Variants in OR8B2 observed in about 807,000 individuals in gnomAD.
OR8B2 encodes olfactory receptor 8B2.
For missense variants in OR8B2, 304 were observed against 379.6 expected, an observed-to-expected ratio of 0.80 and a Z score of 1.65; for synonymous variants, 98 against 138.2, an observed-to-expected ratio of 0.71 and a Z score of 2.04.
chr11:124,386,044 G>A (rs1860694418), upstream of OR8B2, among the ~76,000 whole-genome samples: 1 of 152,140 alleles, frequency 6.6e-6, no homozygotes, highest in Non-Finnish European at 1.5e-5. Flanking sequence ...GAGACTGTGT[G>A]TAAATCAGGT....
At chr11:124,385,030 AAAAAG>A (rs1860677031), upstream of OR8B2, among the ~76,000 whole-genome samples, 1 of 152,216 alleles carries the variant, frequency 6.6e-6, no homozygotes, top group Admixed American at 6.6e-5. Context: ...CTTTATAGGC[AAAAAG>A]AAAAGAAAAA....
At chr11:124,386,885 G>T (rs888141710), upstream of OR8B2, among the ~76,000 whole-genome samples, 3 of 130,906 alleles carry the variant, frequency 2.3e-5, no homozygotes, top group Admixed American at 2.1e-4. Flanking sequence ...CAGTGTGAAA[G>T]TGTTCCTATT....
chr11:124,396,371 T>A, the OR8B2 span: 7 of 1,530,132 alleles, frequency 4.6e-6, no homozygotes, highest in Non-Finnish European at 5.3e-6. Context: ...AATAAAAATT[T>A]AAAGTTCTTC....
chr11:124,395,950 T>C, the OR8B2 span: 3 of 154,202 alleles, frequency 1.9e-5, no homozygotes, highest in Admixed American at 6.4e-5. Flanking sequence ...GTGCTCATTC[T>C]GCTTTAAGCT....
intron 1 of OR8B2, among the ~76,000 whole-genome samples, chr11:124,383,639 A>T (rs61911137): frequency 1.3e-5 from 2 of 152,044 alleles, no homozygotes; most frequent in Admixed American, 6.6e-5. Context: ...CTTGGGTTAT[A>T]TGGATGTGTC....
chr11:124,393,755 G>T, the OR8B2 span, among the ~76,000 whole-genome samples: 14 of 152,028 alleles, frequency 9.2e-5, no homozygotes, highest in South Asian at 2.9e-3. Context: ...CCAATACTGG[G>T]TATATACCCA....
chr11:124,385,292 A>G (rs1860680388), upstream of OR8B2, among the ~76,000 whole-genome samples: 1 of 152,184 alleles, frequency 6.6e-6, no homozygotes, highest in African/African-American at 2.4e-5. Context: ...GAAGGCATCT[A>G]TATTTTTTAC....
Position 124,382,763 on chromosome 11 carries a change from A to G in OR8B2, c.581T>C (p.Val194Ala). Residue 194 changes from valine to alanine, a missense_variant, in exon 2 of 2, where the codon GTC becomes GCC. Coordinates refer to ENST00000641451, the MANE Select transcript of OR8B2 (RefSeq NM_001005468.2). ...AACAATGAGAACAACCACCTCGTTG[A>G]CATAGGTGCTGGTGCAGGAAAGCTG... ...LLQLSCTSTY[V>A]NEVVVLIVVG... 6.2e-7 allele frequency: 1 copy of G among 1,613,786 alleles called. No individual in the cohort carries two copies. The highest frequency in any genetic ancestry group is 8.5e-7 in the Non-Finnish European group (1 of 1,179,772).
chr11:124,391,060 G>A, the OR8B2 span, among the ~76,000 whole-genome samples: 30 of 152,288 alleles, frequency 2.0e-4, no homozygotes, highest in Non-Finnish European at 1.5e-4. Flanking sequence ...GTGAGGCTCT[G>A]TTTCTGAATC....
chr11:124,387,052 T>A (rs1197367208), upstream of OR8B2, among the ~76,000 whole-genome samples: 1 of 152,270 alleles, frequency 6.6e-6, no homozygotes, highest in South Asian at 2.1e-4. Context: ...TGCATAAATG[T>A]CTTCTTTTGA....
At chr11:124,384,130 A>G (rs898963108) in intron 1 of OR8B2, among the ~76,000 whole-genome samples, 6 of 152,160 alleles carry the variant, frequency 3.9e-5, no homozygotes, top group Admixed American at 3.9e-4. Flanking sequence ...ACATGTCAAT[A>G]TATTTTTAAT....
chr11:124,396,348 C>A, the OR8B2 span: 1 of 1,378,994 alleles, frequency 7.3e-7, no homozygotes. Context: ...AAAATCTCTT[C>A]ATGGAACACA....
the OR8B2 span, chr11:124,395,432 G>A: frequency 1.3e-5 from 2 of 152,268 alleles, no homozygotes; most frequent in East Asian, 1.9e-4. Flanking sequence ...TTCACGTCTT[G>A]TTGGTGAGAT....
At chr11:124,391,693 A>G in the OR8B2 span, among the ~76,000 whole-genome samples, 1 of 152,050 alleles carries the variant, frequency 6.6e-6, no homozygotes, top group Non-Finnish European at 1.5e-5. Flanking sequence ...ACAAGGAGGA[A>G]CTGGTACCAT....
At chr11:124,393,654 G>A in the OR8B2 span, among the ~76,000 whole-genome samples, 5 of 152,100 alleles carry the variant, frequency 3.3e-5, no homozygotes, top group African/African-American at 1.2e-4. Flanking sequence ...TACACTGTTG[G>A]TGGGACTGTA....
At chr11:124,386,512 G>T (rs1325270125), upstream of OR8B2, among the ~76,000 whole-genome samples, 4 of 146,944 alleles carry the variant, frequency 2.7e-5, no homozygotes, top group Non-Finnish European at 4.5e-5. Flanking sequence ...GTGGTGTTTG[G>T]TTTTTTGTTC....
At chr11:124,387,069 T>A (rs1190706971), upstream of OR8B2, among the ~76,000 whole-genome samples, 1,561 of 152,322 alleles carry the variant, frequency 0.01, no homozygotes, top group Admixed American at 0.048. Context: ...TTGAGAAGTG[T>A]CTGTTCATAT....
At chr11:124,391,047 T>C in the OR8B2 span, among the ~76,000 whole-genome samples, 1 of 152,200 alleles carries the variant, frequency 6.6e-6, no homozygotes, top group African/African-American at 2.4e-5. Context: ...ATTGACCGCG[T>C]GAGTGAGGCT....
chr11:124,389,213 A>G (rs1860746602), upstream of OR8B2, among the ~76,000 whole-genome samples: 1 of 152,298 alleles, frequency 6.6e-6, no homozygotes, highest in Non-Finnish European at 1.5e-5. Context: ...ATCCAAAACT[A>G]AGAGGGATAA....
Sources: allele counts gnomAD v4.1 joint callset (sites outside exome capture counted in the v4.1 genomes callset), GRCh38; gene constraint gnomAD v4.1.1; transcripts MANE v1.5; gene names NCBI Gene and HGNC (gene_info 2026-07-23, HGNC 2026-07-21).